Variants in EXOC4 observed in about 807,000 individuals in gnomAD.
EXOC4 encodes the protein SEC8-like 1.
A neutral mutation model predicts 107.2 loss-of-function variants in EXOC4; 71 were observed. The ratio of observed to expected loss-of-function variants is 0.66; its 90% CI spans 0.55 to 0.81. The LOEUF is 0.81. Among genes scored for constraint, EXOC4 ranks in the 30% least tolerant of loss-of-function variants. EXOC4 has a pLI of 0.00. For synonymous variants in EXOC4, 456 were observed against 441.2 expected (o/e 1.03, Z -0.42); for missense variants, 1,108 against 1,189.6 (o/e 0.93, Z 1.01).
chr7:134,021,311 T>C (rs1243097013), intron 17 of EXOC4, among the ~76,000 whole-genome samples: 2 of 152,230 alleles, frequency 1.3e-5, no homozygotes, highest in East Asian at 3.8e-4. Context: ...TAGGCCTGTT[T>C]CTTTTCATAG....
chr7:133,584,566 G>T (rs1046547171), intron 9 of EXOC4, among the ~76,000 whole-genome samples: 3 of 112,318 alleles, frequency 2.7e-5, no homozygotes, highest in African/African-American at 3.2e-5. Flanking sequence ...TGTTTTTTAC[G>T]TATTTCAGTT....
At chr7:133,494,241 A>G (rs1799430647) in intron 9 of EXOC4, among the ~76,000 whole-genome samples, 1 of 152,202 alleles carries the variant, frequency 6.6e-6, no homozygotes, top group Non-Finnish European at 1.5e-5. Context: ...AAGTACCCTT[A>G]TAGACACACT....
At chr7:134,076,659 A>T in the EXOC4 span, among the ~76,000 whole-genome samples, 1 of 151,008 alleles carries the variant, frequency 6.6e-6, no homozygotes, top group African/African-American at 2.4e-5. Flanking sequence ...TAAACAAAAA[A>T]TATATAAATA....
intron 14 of EXOC4, among the ~76,000 whole-genome samples, chr7:133,964,062 T>A (rs533114208): frequency 2.0e-5 from 3 of 152,206 alleles, no homozygotes; most frequent in Non-Finnish European, 2.9e-5. Flanking sequence ...CCCTGTGAAA[T>A]CTTTTTAATT....
At chr7:134,008,390 T>G (rs59395742) in intron 17 of EXOC4, among the ~76,000 whole-genome samples, 2,372 of 152,330 alleles carry the variant, frequency 0.016, 68 homozygotes, top group African/African-American at 0.054. Context: ...AAAACGTTAC[T>G]TTTAATGATG....
chr7:134,011,506 G>GT (rs1003467103), intron 17 of EXOC4, among the ~76,000 whole-genome samples: 33 of 151,490 alleles, frequency 2.2e-4, no homozygotes, highest in Admixed American at 1.6e-3. Flanking sequence ...CCTGATTTTG[G>GT]TTTTTTTTGG....
chr7:133,598,277 A>G (rs1247000623), intron 9 of EXOC4, among the ~76,000 whole-genome samples: 5 of 152,166 alleles, frequency 3.3e-5, no homozygotes. Context: ...CCCTCATCTA[A>G]TCACCTGAGT....
chr7:133,277,047 C>T (rs138789255), intron 2 of EXOC4, among the ~76,000 whole-genome samples: 1,819 of 151,958 alleles, frequency 0.012, 30 homozygotes, highest in African/African-American at 0.041. Flanking sequence ...CTGCAGCCTC[C>T]GCCTCCCGGG....
In EXOC4 at chr7:133,374,933, G is replaced by A; in HGVS notation, c.1113G>A (p.Leu371=). The A allele has an allele frequency of 6.2e-7, 1 of 1,614,092 alleles. No homozygotes were observed. Among genetic ancestry groups the A allele is most frequent in the Admixed American group, 1.7e-5 (1 of 60,026 alleles). ...TGCAGGACACTGTAGTGACTCCACT[G>A]ACTCAGCAGGAAGATATCAAACTGT... ...GYLQDTVVTP[L]TQQEDIKLYD... is the part of the protein sequence containing the mutation. The change falls in exon 7 of 18, where the codon CTG becomes CTA. Residue 371 remains leucine, a synonymous_variant. Coordinates refer to ENST00000253861, the MANE Select transcript of EXOC4 (RefSeq NM_021807.4).
intron 10 of EXOC4, among the ~76,000 whole-genome samples, chr7:133,666,885 T>C (rs987327704): frequency 6.6e-6 from 1 of 152,196 alleles, no homozygotes; most frequent in African/African-American, 2.4e-5. Context: ...CTCTGTCTCT[T>C]TTTTTAAATT....
intron 17 of EXOC4, among the ~76,000 whole-genome samples, chr7:134,043,339 A>AT (rs953849304): frequency 4.6e-5 from 7 of 152,072 alleles, no homozygotes; most frequent in South Asian, 2.1e-4. Context: ...TAGGGGTGGG[A>AT]TTTTTTCCCC....
At chr7:133,528,132 C>CTT (rs1800114882) in intron 9 of EXOC4, among the ~76,000 whole-genome samples, 1 of 152,148 alleles carries the variant, frequency 6.6e-6, no homozygotes, top group Non-Finnish European at 1.5e-5. Context: ...GAAGACTCAC[C>CTT]TGATAATCTT....
At chr7:133,887,395 G>A (rs1005090259) in intron 11 of EXOC4, among the ~76,000 whole-genome samples, 1 of 152,168 alleles carries the variant, frequency 6.6e-6, no homozygotes, top group African/African-American at 2.4e-5. Flanking sequence ...GGGAAGGGAA[G>A]GATGGGAGAT....
intron 6 of EXOC4, among the ~76,000 whole-genome samples, chr7:133,361,017 G>A (rs921009821): frequency 1.3e-5 from 2 of 152,114 alleles, no homozygotes; most frequent in African/African-American, 4.8e-5. Flanking sequence ...TTCAGTACTG[G>A]TGTATCTCCA....
intron 17 of EXOC4, among the ~76,000 whole-genome samples, chr7:134,028,813 G>A (rs914945788): frequency 6.6e-6 from 1 of 152,256 alleles, no homozygotes; most frequent in Non-Finnish European, 1.5e-5. Context: ...TTGGAGGAAA[G>A]CAGAGATTTA....
intron 11 of EXOC4, among the ~76,000 whole-genome samples, chr7:133,889,377 T>A (rs1002985725): frequency 1.3e-5 from 2 of 151,286 alleles, no homozygotes; most frequent in East Asian, 3.9e-4. Flanking sequence ...TTTCTTTTTT[T>A]TTTTTCAGAG....
intron 11 of EXOC4, among the ~76,000 whole-genome samples, chr7:133,855,082 A>AATATATATATATATAAATAT (rs1293998031): frequency 5.2e-5 from 4 of 76,756 alleles, no homozygotes; most frequent in Admixed American, 1.2e-4. Context: ...AATATATCTA[A>AATATATATATATATAAATAT]ATATATATAA....
At chr7:133,453,092 C>G (rs535963526) in intron 7 of EXOC4, among the ~76,000 whole-genome samples, 1 of 152,274 alleles carries the variant, frequency 6.6e-6, no homozygotes, top group South Asian at 2.1e-4. Flanking sequence ...AAGAGCTTAA[C>G]ATAAATCACT....
chr7:133,484,513 G>A (rs1799229920), intron 9 of EXOC4, among the ~76,000 whole-genome samples: 1 of 151,824 alleles, frequency 6.6e-6, no homozygotes, highest in Non-Finnish European at 1.5e-5. Context: ...ATAGATAATT[G>A]ATGAACACAT....
Sources: allele counts gnomAD v4.1 joint callset (sites outside exome capture counted in the v4.1 genomes callset), GRCh38; gene constraint gnomAD v4.1.1; transcripts MANE v1.5; gene names NCBI Gene and HGNC (gene_info 2026-07-23, HGNC 2026-07-21).